Variants in MUC7 observed in about 807,000 individuals in gnomAD.
MUC7 encodes mucin-7.
In MUC7, 2 loss-of-function variants were observed where a neutral mutation model predicts 2.5. The ratio of observed to expected loss-of-function variants is 0.81; its 90% CI spans 0.33 to 2.55. The LOEUF (loss-of-function observed/expected upper bound fraction) is 2.55, where lower values mean the gene tolerates loss of function less well. Among genes scored for constraint, MUC7 ranks in the 30% most tolerant of loss-of-function variants. MUC7 has a pLI of 0.11. For missense variants in MUC7, 408 were observed against 455.6 expected (o/e 0.90, Z 0.95); for synonymous variants, 133 against 173.4 (o/e 0.77, Z 1.83).
At chr4:70,452,857 A>C (rs1467829084) in intron 1 of MUC7, among the ~76,000 whole-genome samples, 1 of 152,068 alleles carries the variant, frequency 6.6e-6, no homozygotes, top group Admixed American at 6.5e-5. Flanking sequence ...TCCCTTTAGC[A>C]TTTCTTGTAA....
intron 1 of MUC7, among the ~76,000 whole-genome samples, chr4:70,438,312 A>G (rs1472898029): frequency 6.6e-6 from 1 of 152,220 alleles, no homozygotes; most frequent in Admixed American, 6.5e-5. Context: ...TTTTTACAAC[A>G]CAAAAATAAT....
intron 1 of MUC7, among the ~76,000 whole-genome samples, chr4:70,452,958 A>G (rs771465241): frequency 3.9e-5 from 6 of 152,204 alleles, no homozygotes; most frequent in Non-Finnish European, 8.8e-5. Flanking sequence ...TTTTCACCAG[A>G]TATACTATTC....
chr4:70,471,465 G>A (rs1271847801), upstream of MUC7, among the ~76,000 whole-genome samples: 1 of 152,122 alleles, frequency 6.6e-6, no homozygotes, highest in African/African-American at 2.4e-5. Flanking sequence ...ATAGGTTGAT[G>A]GTGTTGTGTT....
Position 70,481,146 on chromosome 4 carries a change from G to T in MUC7, c.402G>T (p.Gln134His). Reference protein sequence around the residue: ...TTLPNVTFLPQNATTISSREN... With the variant: ...TTLPNVTFLPHNATTISSREN... Reference sequence around the variant, plus strand: ...TTCCAAATGTGACTTTTCTTCCCCAGAATGCCACCACCATATCTTCAAGAG... The same window carrying T: ...TTCCAAATGTGACTTTTCTTCCCCATAATGCCACCACCATATCTTCAAGAG... The change falls in exon 3 of 3, where the codon CAG becomes CAT. Residue 134 changes from glutamine to histidine, a missense_variant. Gln to His is a conservative substitution (Grantham distance 24, BLOSUM62 0). Coordinates refer to ENST00000304887, the MANE Select transcript of MUC7 (RefSeq NM_152291.3). The T allele has an allele frequency of 6.2e-7, 1 of 1,614,120 alleles. No homozygotes were observed. The highest frequency in any genetic ancestry group is 8.5e-7 in the Non-Finnish European group (1 of 1,180,030).
At chr4:70,458,511 C>A (rs1734466057) in intron 1 of MUC7, among the ~76,000 whole-genome samples, 1 of 151,796 alleles carries the variant, frequency 6.6e-6, no homozygotes. Context: ...TGATCTCTAA[C>A]ATTAGAATTA....
intron 1 of MUC7, among the ~76,000 whole-genome samples, chr4:70,464,746 A>G (rs1364711360): frequency 6.6e-6 from 1 of 152,166 alleles, no homozygotes; most frequent in Admixed American, 6.5e-5. Context: ...AAGCAGCCCC[A>G]GTCAGGGGCT....
intron 1 of MUC7, among the ~76,000 whole-genome samples, chr4:70,461,050 CT>C (rs1734545000): frequency 6.6e-6 from 1 of 152,172 alleles, no homozygotes; most frequent in Non-Finnish European, 1.5e-5. Context: ...AGGTCTCTAA[CT>C]TACCCTTTGC....
intron 2 of MUC7, among the ~76,000 whole-genome samples, chr4:70,480,205 A>G (rs1158421287): frequency 1.3e-5 from 2 of 152,248 alleles, no homozygotes; most frequent in Non-Finnish European, 2.9e-5. Context: ...AATTTTTTAA[A>G]CAATAAAGTT....
intron 1 of MUC7, among the ~76,000 whole-genome samples, chr4:70,442,482 A>G (rs1734033054): frequency 6.6e-6 from 1 of 152,104 alleles, no homozygotes; most frequent in Non-Finnish European, 1.5e-5. Context: ...ACAAATGTGT[A>G]TACTCCAGGC....
intron 1 of MUC7, among the ~76,000 whole-genome samples, chr4:70,440,952 G>A (rs1341819615): frequency 1.3e-5 from 2 of 152,134 alleles, no homozygotes; most frequent in Admixed American, 6.6e-5. Context: ...CAGGTGGGGT[G>A]AGGGGAGCTC....
At chr4:70,472,034 T>C (rs574282593), upstream of MUC7, 23 of 152,330 alleles carry the variant, frequency 1.5e-4, no homozygotes, top group African/African-American at 3.1e-4. Flanking sequence ...CAGGAAGAAA[T>C]TGATGCACAA....
chr4:70,465,181 A>G (rs990359994), intron 1 of MUC7, among the ~76,000 whole-genome samples: 2 of 152,212 alleles, frequency 1.3e-5, no homozygotes, highest in South Asian at 4.1e-4. Context: ...AGGAAAACTA[A>G]TAAACAGAAA....
In MUC7 at chr4:70,481,057, T is replaced by C. The variant is rs1002164071; in HGVS notation, c.313T>C (p.Leu105=). The C allele has an allele frequency of 4.3e-6, 7 of 1,613,986 alleles. No homozygotes were observed. In the African/African-American group the frequency reaches 9.3e-5, roughly 22 times the overall value. ...AAATAGCAGTGTGGTCAACCCTACC[T>C]TAGTGGCTACAACCCAAATTCCATC... The part of the protein sequence containing the change: ...DKNSSVVNPT[L]VATTQIPSVT... The change falls in exon 3 of 3, where the codon TTA becomes CTA. Residue 105 remains leucine (L), a synonymous_variant. Transcript: ENST00000304887.
At chr4:70,445,505 C>A (rs558960058) in intron 1 of MUC7, among the ~76,000 whole-genome samples, 136 of 152,190 alleles carry the variant, frequency 8.9e-4, no homozygotes, top group African/African-American at 2.9e-3. Flanking sequence ...CAATAGAAAT[C>A]ATGTTTCAAA....
rs944332686 is a variant in MUC7, at chr4:70,461,350, G to A, written c.-92-10865G>A. Among the ~76,000 whole-genome samples the A allele has an allele frequency of 3.3e-5, 5 of 152,290 alleles. No individual in the cohort carries two copies. The East Asian group carries it at 7.7e-4, about 24-fold the overall frequency. On this transcript the variant is annotated intron_variant, in intron 1 of 3. Coordinates refer to the MUC7 transcript ENST00000413702. ...AATAACTCATGGTCCCAGTGAAGAC[G>A]GGACTGAGCTCTTTGATGACAAAGG... is the stretch of plus-strand genomic sequence containing the variant.
At chr4:70,454,189 G>A (rs1290428840) in intron 1 of MUC7, among the ~76,000 whole-genome samples, 7 of 152,120 alleles carry the variant, frequency 4.6e-5, no homozygotes, top group Non-Finnish European at 1.0e-4. Context: ...TGTCCACTGG[G>A]TCTGAGCCCA....
chr4:70,433,539 T>C (rs931361176), intron 1 of MUC7, among the ~76,000 whole-genome samples: 1 of 152,174 alleles, frequency 6.6e-6, no homozygotes, highest in African/African-American at 2.4e-5. Flanking sequence ...TTGTTATTGG[T>C]GTATAGGAAT....
In MUC7 at chr4:70,482,975, T is replaced by C. The variant is rs189715666; in HGVS notation, c.*1097T>C. 4.6e-5 allele frequency: 7 copies of C among 152,422 alleles called. No individual in the cohort carries two copies. The highest frequency in any genetic ancestry group is 1.7e-4 in the African/African-American group (7 of 41,560). The allele number at this position is 152,422 out of a possible 1,614,324, so 9.4% of individuals were successfully genotyped here. ...TATGTTAGATTTTTTTGCTAACTAA[T>C]AAAGATTTCAAATGGCAATTTATAT... On this transcript the variant is annotated 3_prime_UTR_variant, in exon 3 of 3. Coordinates refer to ENST00000304887, the MANE Select transcript of MUC7 (RefSeq NM_152291.3).
chr4:70,450,693 T>C (rs1260572903), intron 1 of MUC7, among the ~76,000 whole-genome samples: 1 of 152,112 alleles, frequency 6.6e-6, no homozygotes, highest in Non-Finnish European at 1.5e-5. Flanking sequence ...GTTCTTTCCT[T>C]CAAGGCAGCA....
Sources: gnomAD v4.1 joint callset for allele counts (sites outside exome capture counted in the v4.1 genomes callset) on GRCh38, gnomAD v4.1.1 for gene constraint, MANE v1.5 for transcripts, NCBI Gene and HGNC (gene_info 2026-07-23, HGNC 2026-07-21) for gene names.